Variants in DNAH5 observed in about 807,000 individuals in gnomAD.
DNAH5 encodes the protein axonemal beta dynein heavy chain 5.
Under a neutral mutation model 518.2 loss-of-function variants are expected in DNAH5, and 372 were observed. The observed-to-expected ratio is 0.72, with a 90% CI of 0.66 to 0.78. DNAH5 has a LOEUF of 0.78. Ranked by LOEUF, DNAH5 falls within the 30% of genes least tolerant of loss-of-function variation. The pLI, the probability that DNAH5 is intolerant of heterozygous loss-of-function variation, is 0.00. For missense variants in DNAH5, 5,523 were observed against 5,687.0 expected (o/e 0.97, Z 0.93); for synonymous variants, 2,039 against 2,025.9 (o/e 1.01, Z -0.17).
At chr5:13,997,135 T>G (rs1295075227) in intron 1 of DNAH5, among the ~76,000 whole-genome samples, 1 of 152,240 alleles carries the variant, frequency 6.6e-6, no homozygotes. Context: ...GCCACATCCA[T>G]GGTGTTCTCT....
Position 13,751,830 on chromosome 5 carries a change from C to G in DNAH5, c.11028+304G>C, listed in dbSNP as rs77191196. Among the ~76,000 whole-genome samples, 294 of 152,122 alleles carry G rather than the reference C, an allele frequency of 1.9e-3. 1 individual carries two copies. The highest frequency in any genetic ancestry group is 6.7e-3 in the African/African-American group (278 of 41,484). On this transcript the variant is annotated intron_variant, in intron 64 of 78. Coordinates refer to ENST00000265104, the MANE Select transcript of DNAH5 (RefSeq NM_001369.3). ...AACCTGTGCCAAAGCAGGGGGCACC[C>G]AGGTTTTATCAGCTTGCCCAGATGT...
At chr5:13,885,742 T>C (rs1474109863) in intron 18 of DNAH5, among the ~76,000 whole-genome samples, 1 of 152,156 alleles carries the variant, frequency 6.6e-6, no homozygotes, top group Non-Finnish European at 1.5e-5. Context: ...CCAGGGCCAA[T>C]GCAAAGTGCA....
intron 30 of DNAH5, among the ~76,000 whole-genome samples, chr5:13,855,641 C>A (rs1351740439): frequency 6.6e-6 from 1 of 152,116 alleles, no homozygotes; most frequent in Non-Finnish European, 1.5e-5. Context: ...CTGGACCAAG[C>A]GGACCTAACA....
intron 65 of DNAH5, among the ~76,000 whole-genome samples, chr5:13,742,539 T>G (rs1748718260): frequency 6.6e-6 from 1 of 152,128 alleles, no homozygotes; most frequent in South Asian, 2.1e-4. Context: ...GTTAAAATCA[T>G]GCCTCCATGT....
At chr5:13,772,026 C>A (rs1176407028) in intron 55 of DNAH5, among the ~76,000 whole-genome samples, 1 of 152,120 alleles carries the variant, frequency 6.6e-6, no homozygotes, top group East Asian at 1.9e-4. Context: ...TTACCATATA[C>A]CAAAAGGCAA....
At chr5:14,011,098 T>G (rs539526592) in intron 1 of DNAH5, among the ~76,000 whole-genome samples, 7 of 151,494 alleles carry the variant, frequency 4.6e-5, no homozygotes, top group Non-Finnish European at 8.8e-5. Flanking sequence ...CCGAGGCAAA[T>G]GTAAGAGACA....
upstream of DNAH5, among the ~76,000 whole-genome samples, chr5:13,949,188 T>A (rs1053850193): frequency 2.6e-5 from 4 of 152,216 alleles, no homozygotes; most frequent in Non-Finnish European, 4.4e-5. Flanking sequence ...ACTAGATGAC[T>A]AAGGAAATGT....
intron 47 of DNAH5, among the ~76,000 whole-genome samples, chr5:13,805,343 C>T (rs1039419654): frequency 6.6e-6 from 1 of 152,024 alleles, no homozygotes; most frequent in Non-Finnish European, 1.5e-5. Flanking sequence ...ACTAAAAATA[C>T]AAAAATTAGC....
chr5:13,815,215 CA>C (rs1367980724), intron 42 of DNAH5, among the ~76,000 whole-genome samples: 2 of 151,970 alleles, frequency 1.3e-5, no homozygotes, highest in Admixed American at 6.6e-5. Context: ...GTTTAACATA[CA>C]AAAAAACTAA....
intron 25 of DNAH5, 54 bp from the exon 26 acceptor site, chr5:13,866,336 C>T: frequency 7.0e-7 from 1 of 1,431,300 alleles, no homozygotes; most frequent in Non-Finnish European, 9.8e-7. Flanking sequence ...ATATAAATTT[C>T]ATGAACTCAA....
intron 40 of DNAH5, among the ~76,000 whole-genome samples, chr5:13,822,489 C>T (rs964934730): frequency 7.2e-5 from 11 of 151,904 alleles, no homozygotes; most frequent in African/African-American, 9.7e-5. Flanking sequence ...TGGGCTCAAG[C>T]GATCCACTCA....
chr5:13,848,358 T>C (rs1474446932), intron 31 of DNAH5, among the ~76,000 whole-genome samples: 1 of 152,238 alleles, frequency 6.6e-6, no homozygotes, highest in African/African-American at 2.4e-5. Context: ...TGATACTCTA[T>C]GGCAGCAGTC....
intron 47 of DNAH5, among the ~76,000 whole-genome samples, chr5:13,795,051 G>C (rs1193342362): frequency 6.6e-6 from 1 of 152,222 alleles, no homozygotes; most frequent in African/African-American, 2.4e-5. Flanking sequence ...ATTTAAAGCA[G>C]CGTGTAGAGG....
rs556264874 is a variant in DNAH5, at chr5:13,856,094, A to G, written c.4950+3358T>C. On this transcript the variant is annotated intron_variant, in intron 30 of 78. Coordinates refer to ENST00000265104, the MANE Select transcript of DNAH5 (RefSeq NM_001369.3). The stretch of plus-strand genomic sequence containing the variant: ...ACATCACAATTAAAAGAACTAGAGA[A>G]TCAAGAGCAAACAAATTCAAAAGCT... Among the ~76,000 whole-genome samples, 3 of 152,260 alleles carry G rather than the reference A, an allele frequency of 2.0e-5. No homozygotes were observed. In the East Asian group the frequency reaches 5.8e-4, roughly 29 times the overall value.
chr5:13,921,471 T>TCA (rs1777264097), intron 5 of DNAH5, among the ~76,000 whole-genome samples: 1 of 58,958 alleles, frequency 1.7e-5, no homozygotes, highest in African/African-American at 6.5e-5. Context: ...GCTCTATCTC[T>TCA]CTCTCACACA....
chr5:13,769,184 T>A (rs777044607), intron 57 of DNAH5, 48 bp from the exon 58 acceptor site: 1 of 1,592,696 alleles, frequency 6.3e-7, no homozygotes, highest in Non-Finnish European at 8.6e-7. Context: ...GTATTAAACA[T>A]CCAGCTGAAA....
chr5:13,949,544 T>C (rs1780208608), upstream of DNAH5, among the ~76,000 whole-genome samples: 3 of 152,172 alleles, frequency 2.0e-5, no homozygotes, highest in Admixed American at 2.0e-4. Context: ...GGGAGACTCA[T>C]CTGTCAAAAT....
At chr5:13,995,288 T>C (rs1783860794) in intron 1 of DNAH5, among the ~76,000 whole-genome samples, 1 of 152,322 alleles carries the variant, frequency 6.6e-6, no homozygotes, top group Middle Eastern at 3.4e-3. Context: ...AATGCCCTGA[T>C]GTCCAAACCC....
chr5:13,896,733 C>G (rs1346448965), intron 15 of DNAH5: 1 of 152,172 alleles, frequency 6.6e-6, no homozygotes, highest in African/African-American at 2.4e-5. Flanking sequence ...GCATTCTCAT[C>G]TTTCACTGAA....
Sources: gnomAD v4.1 joint callset for allele counts (sites outside exome capture counted in the v4.1 genomes callset) on GRCh38, gnomAD v4.1.1 for gene constraint, MANE v1.5 for transcripts, NCBI Gene and HGNC (gene_info 2026-07-23, HGNC 2026-07-21) for gene names.